The following KIF13A variants were observed in gnomAD, a reference collection of about 807,000 sequenced individuals.
The protein encoded by KIF13A is kinesin-like protein KIF13A.
In KIF13A, 79 loss-of-function variants were observed where a neutral mutation model predicts 212.2. That is an observed-to-expected ratio of 0.37 (90% CI 0.31 to 0.45). The LOEUF (loss-of-function observed/expected upper bound fraction) is 0.45, where lower values mean the gene tolerates loss of function less well. KIF13A is among the 20% of genes least tolerant of loss of function. The probability of loss-of-function intolerance (pLI) is 1.00; values close to 1 mark genes in which losing one functional copy is unlikely to be tolerated. For missense variants in KIF13A, 1,901 were observed against 2,209.0 expected, an observed-to-expected ratio of 0.86 and a Z score of 2.79; for synonymous variants, 789 against 808.6, an observed-to-expected ratio of 0.98 and a Z score of 0.41.
intron 2 of KIF13A, among the ~76,000 whole-genome samples, chr6:17,931,832 G>A (rs1479942980): frequency 6.6e-6 from 1 of 152,094 alleles, no homozygotes; most frequent in African/African-American, 2.4e-5. Context: ...GGAAAAAAAT[G>A]CAGAAAGTAT....
rs1779550564 is a variant in KIF13A, at chr6:17,968,820, T to C, written c.146+18234A>G. ...CACAAAGGCTATCATTATGTAACAATTTAATGCAGAAATTAGAGGTCTCAG... is the reference window on the plus strand; with the variant it reads ...CACAAAGGCTATCATTATGTAACAACTTAATGCAGAAATTAGAGGTCTCAG... On this transcript the variant is annotated intron_variant, in intron 2 of 38. Transcript: ENST00000259711. This position sits in a 1 kb window ranked among gnomAD's most constrained non-coding sequence, Gnocchi z 4.7. Among the ~76,000 whole-genome samples the C allele has an allele frequency of 6.6e-6, 1 of 152,130 alleles. No individual in the cohort carries two copies. Among genetic ancestry groups the C allele is most frequent in the Non-Finnish European group, 1.5e-5 (1 of 68,024 alleles).
Position 17,800,020 on chromosome 6 carries a change from T to C in KIF13A, c.2548A>G (p.Ser850Gly), listed in dbSNP as rs764673066. The stretch of plus-strand genomic sequence containing the variant: ...CTGTCTACGACTTCAAGGCTCCCAC[T>C]TTCACTGGAATTCTCCGAAGAGTCA... The part of the protein sequence containing the change: ...EDDSSENSSE[S>G]GSLEVVDSSG... Residue 850 changes from serine to glycine, a missense_variant, in exon 21 of 39, where the codon AGT becomes GGT. Coordinates refer to ENST00000259711, the MANE Select transcript of KIF13A (RefSeq NM_022113.6). The C allele has an allele frequency of 1.9e-6, 3 of 1,613,866 alleles. No individual in the cohort carries two copies. In the East Asian group the frequency reaches 6.7e-5, roughly 36 times the overall value.
At chr6:17,935,041 C>T (rs1050904877) in intron 2 of KIF13A, among the ~76,000 whole-genome samples, 1 of 152,032 alleles carries the variant, frequency 6.6e-6, no homozygotes, top group Non-Finnish European at 1.5e-5. Context: ...ACTTGTTGGC[C>T]CAAAATAAAT....
chr6:17,865,211 T>A (rs9477544), intron 4 of KIF13A, among the ~76,000 whole-genome samples: 5,323 of 152,162 alleles, frequency 0.035, 319 homozygotes, highest in African/African-American at 0.12. Context: ...AGTAACTACA[T>A]AGAAAAGCAT....
rs1408428172 is a variant in KIF13A, at chr6:17,794,489, A to G, written c.3075+83T>C. The G allele has an allele frequency of 6.4e-7, 1 of 1,558,710 alleles. No homozygotes were observed. The highest frequency in any genetic ancestry group is 1.4e-5 in the African/African-American group (1 of 72,642). ...AAAGGATTAGAGAATAAAGATACAA[A>G]TAGTTAGAAAATCCCCAGAAACAAT... On this transcript the variant is annotated intron_variant, in intron 24 of 38. Transcript: ENST00000259711. This position sits in a 1 kb window ranked among gnomAD's most constrained non-coding sequence, Gnocchi z 4.1.
At position 17,816,982 on chromosome 6, in the gene KIF13A, G is replaced by A; in HGVS notation, c.2000+38C>T. On this transcript the variant is annotated intron_variant, in intron 17 of 38. Transcript: ENST00000259711. This position sits in a 1 kb window ranked among gnomAD's most constrained non-coding sequence, Gnocchi z 4.3. Reference sequence around the variant, plus strand: ...CCTCCCTCAAAGACCCACGGCCTTGGGGCCTTGACTCTGGGCTGCCCCCGC... The same window carrying A: ...CCTCCCTCAAAGACCCACGGCCTTGAGGCCTTGACTCTGGGCTGCCCCCGC... 1 of 1,552,706 alleles carries A rather than the reference G, an allele frequency of 6.4e-7. No individual in the cohort carries two copies. Among genetic ancestry groups the A allele is most frequent in the Non-Finnish European group, 8.7e-7 (1 of 1,143,520 alleles).
intron 2 of KIF13A, among the ~76,000 whole-genome samples, chr6:17,946,158 G>T (rs1389178616): frequency 6.6e-6 from 1 of 152,054 alleles, no homozygotes; most frequent in African/African-American, 2.4e-5. Flanking sequence ...GTCTTGCTTT[G>T]TTGCCAAGGC....
Position 17,914,219 on chromosome 6 carries a change from T to A in KIF13A, c.147-16039A>T, listed in dbSNP as rs1326277464. Among the ~76,000 whole-genome samples the A allele has an allele frequency of 6.6e-6, 1 of 152,246 alleles. No homozygotes were observed. Among genetic ancestry groups the A allele is most frequent in the Non-Finnish European group, 1.5e-5 (1 of 68,038 alleles). The stretch of plus-strand genomic sequence containing the variant: ...AAATGCCAGAATAAGTGAAACATTT[T>A]AAATTTTTATTGCTTTTAAACTACA... On this transcript the variant is annotated intron_variant, in intron 2 of 38. Transcript: ENST00000259711. This position sits in a 1 kb window ranked among gnomAD's most constrained non-coding sequence, Gnocchi z 5.9.
In KIF13A at chr6:17,914,275, A is replaced by G. The variant is rs1774311459; in HGVS notation, c.147-16095T>C. 6.6e-6 allele frequency among the ~76,000 whole-genome samples: 1 copy of G among 152,210 alleles called. No individual in the cohort carries two copies. The highest frequency in any genetic ancestry group is 2.1e-4 in the South Asian group (1 of 4,838). ...TATAGTGACCCTTGTTTTTCACTAA[A>G]AAAGTGATGCTCTCTCTTCTGAAAG... On this transcript the variant is annotated intron_variant, in intron 2 of 38. Coordinates refer to ENST00000259711, the MANE Select transcript of KIF13A (RefSeq NM_022113.6). This position sits in a 1 kb window ranked among gnomAD's most constrained non-coding sequence, Gnocchi z 5.9.
At chr6:17,800,238 C>T (rs568194445) in intron 20 of KIF13A, 125 bp from the exon 21 acceptor site, 18 of 840,024 alleles carry the variant, frequency 2.1e-5, no homozygotes, top group African/African-American at 6.9e-5. Context: ...TGGTCGTCTT[C>T]GGCAACGGGA....
In KIF13A at chr6:17,794,254, A is replaced by G. The variant is rs1481022523; in HGVS notation, c.3217T>C (p.Tyr1073His). The G allele has an allele frequency of 6.2e-7, 1 of 1,610,230 alleles. No homozygotes were observed. Among genetic ancestry groups the G allele is most frequent in the Non-Finnish European group, 8.5e-7 (1 of 1,177,108 alleles). Residue 1073 changes from tyrosine to histidine, a missense_variant, in exon 25 of 39, where the codon TAC (tyrosine) becomes CAC (histidine). Tyr to His is a moderately conservative substitution (Grantham distance 83). Transcript: ENST00000259711. This position sits in a 1 kb window ranked among gnomAD's most constrained non-coding sequence, Gnocchi z 4.1. ...TTTAAGTCTGCTTGTCTTACCTGGTAACTGTCCAGCCCTCTTTGGAGTTTG... is the reference window on the plus strand; with the variant it reads ...TTTAAGTCTGCTTGTCTTACCTGGTGACTGTCCAGCCCTCTTTGGAGTTTG... ...STKLQRGLDS[Y>H]QRDDEDGDDM... is the part of the protein sequence containing the mutation.
intron 2 of KIF13A, among the ~76,000 whole-genome samples, chr6:17,917,071 A>G (rs1774579399): frequency 6.6e-6 from 1 of 151,606 alleles, no homozygotes; most frequent in Admixed American, 6.6e-5. Flanking sequence ...CATAACCTTC[A>G]TGGAGCTGCC....
rs529946096 is a variant in KIF13A, at chr6:17,969,820, G to C, written c.146+17234C>G. Among the ~76,000 whole-genome samples, 3 of 152,128 alleles carry C rather than the reference G, an allele frequency of 2.0e-5. No individual in the cohort carries two copies. The East Asian group carries it at 5.8e-4, about 29-fold the overall frequency. Reference sequence around the variant, plus strand: ...ACTAAAATTTGGAAAATATATTTAGGATATTTAACAGAAGCATTCTAGTTT... The same window carrying C: ...ACTAAAATTTGGAAAATATATTTAGCATATTTAACAGAAGCATTCTAGTTT... On this transcript the variant is annotated intron_variant, in intron 2 of 38. Transcript: ENST00000259711.
At chr6:17,835,353 G>A (rs916618008) in intron 11 of KIF13A, among the ~76,000 whole-genome samples, 1 of 151,764 alleles carries the variant, frequency 6.6e-6, no homozygotes, top group Non-Finnish European at 1.5e-5. Flanking sequence ...CAGTAAAAAT[G>A]CAAATAAGTA....
At chr6:17,969,699 A>G (rs577001503) in intron 2 of KIF13A, among the ~76,000 whole-genome samples, 9 of 152,206 alleles carry the variant, frequency 5.9e-5, no homozygotes, top group African/African-American at 2.2e-4. Context: ...TTTTACTTGC[A>G]TATCTGGTTC....
chr6:17,958,169 G>A (rs1381021892), intron 2 of KIF13A, among the ~76,000 whole-genome samples: 2 of 152,138 alleles, frequency 1.3e-5, no homozygotes, highest in Admixed American at 6.5e-5. Context: ...GGCACAAGGA[G>A]GGTTTTACTC....
rs1425137726 is a variant in KIF13A, at chr6:17,850,103, A to G, written c.717+220T>C. ...CAGACTCCCAAAATGCTGGAATTAC[A>G]GGCAGGAGCCACTGCACCAGGCCAA... is the stretch of plus-strand genomic sequence containing the variant. On this transcript the variant is annotated intron_variant, in intron 8 of 38. Coordinates refer to ENST00000259711, the MANE Select transcript of KIF13A (RefSeq NM_022113.6). This position sits in a 1 kb window ranked among gnomAD's most constrained non-coding sequence, Gnocchi z 6.2. 1.3e-5 allele frequency among the ~76,000 whole-genome samples: 2 copies of G among 152,218 alleles called. No individual in the cohort carries two copies. Among genetic ancestry groups the G allele is most frequent in the Non-Finnish European group, 2.9e-5 (2 of 68,042 alleles).
Position 17,800,347 on chromosome 6 carries a change from A to C in KIF13A, c.2455-234T>G, listed in dbSNP as rs192231499. Among the ~76,000 whole-genome samples, 4 of 151,764 alleles carry C rather than the reference A, an allele frequency of 2.6e-5. No homozygotes were observed. In the East Asian group the frequency reaches 7.8e-4, roughly 29 times the overall value. On this transcript the variant is annotated intron_variant, in intron 20 of 38. Transcript: ENST00000259711. ...TGCCTCCCTGCAACTTGCCTTCTGGAGTCATCCTCAAATGTATCCTTCCAA... is the reference window on the plus strand; with the variant it reads ...TGCCTCCCTGCAACTTGCCTTCTGGCGTCATCCTCAAATGTATCCTTCCAA...
At position 17,857,756 on chromosome 6, in the gene KIF13A, A is replaced by T. The variant is rs112686284; in HGVS notation, c.221-1634T>A. Among the ~76,000 whole-genome samples, 35 of 152,178 alleles carry T rather than the reference A, an allele frequency of 2.3e-4. 1 individual carries two copies. The highest frequency in any genetic ancestry group is 8.4e-4 in the African/African-American group (35 of 41,440). On this transcript the variant is annotated intron_variant, in intron 4 of 38. Transcript: ENST00000259711. ...TGAAGGAAAACTTGACAGCATCTATAAAAGGGAATATGCCTACACTGCCTG... is the reference window on the plus strand; with the variant it reads ...TGAAGGAAAACTTGACAGCATCTATTAAAGGGAATATGCCTACACTGCCTG...
Sources: gnomAD v4.1 joint callset for allele counts (sites outside exome capture counted in the v4.1 genomes callset) on GRCh38, gnomAD v4.1.1 for gene constraint, Gnocchi (gnomAD v3.1) non-coding constraint, MANE v1.5 for transcripts, NCBI Gene and HGNC (gene_info 2026-07-23, HGNC 2026-07-21) for gene names.